GALNT13: variants seen among roughly 807,000 people sequenced by gnomAD.
GALNT13 encodes the protein polypeptide N-acetylgalactosaminyltransferase 13, also known as UDP-GalNAc:polypeptide N-acetylgalactosaminyltransferase 13.
Under a neutral mutation model 64.2 loss-of-function variants are expected in GALNT13, and 28 were observed. The ratio of observed to expected loss-of-function variants is 0.44; its 90% CI spans 0.32 to 0.60. GALNT13 has a LOEUF of 0.60. Ranked by LOEUF, GALNT13 falls within the 20% of genes least tolerant of loss-of-function variation. The pLI is 0.05. For synonymous variants in GALNT13, 214 were observed against 224.6 expected (o/e 0.95, Z 0.42); for missense variants, 577 against 669.8 (o/e 0.86, Z 1.53).
intron 11 of GALNT13, among the ~76,000 whole-genome samples, chr2:154,416,041 A>G (rs368359615): frequency 1.1e-4 from 16 of 152,290 alleles, no homozygotes; most frequent in East Asian, 7.7e-4. Context: ...CACAACTTCT[A>G]TAGAAACAGG....
At chr2:153,313,110 C>A in the GALNT13 span, among the ~76,000 whole-genome samples, 1 of 152,050 alleles carries the variant, frequency 6.6e-6, no homozygotes, top group Non-Finnish European at 1.5e-5. Context: ...TTAGTGCATC[C>A]ACTGTGGAAA....
intron 9 of GALNT13, among the ~76,000 whole-genome samples, chr2:154,351,006 C>A (rs1333801525): frequency 6.6e-6 from 1 of 152,064 alleles, no homozygotes; most frequent in African/African-American, 2.4e-5. Flanking sequence ...ATGGGAAACG[C>A]AGTGGAGCTG....
At chr2:153,758,069 A>G in the GALNT13 span, among the ~76,000 whole-genome samples, 1 of 152,124 alleles carries the variant, frequency 6.6e-6, no homozygotes, top group Non-Finnish European at 1.5e-5. Flanking sequence ...CAATTGTTGT[A>G]TAGTTTTCCC....
chr2:154,287,022 G>A (rs1185545093), intron 8 of GALNT13: 2 of 618,502 alleles, frequency 3.2e-6, no homozygotes, highest in African/African-American at 3.6e-5. Flanking sequence ...CCCAAAGAGA[G>A]CTGGTCTCCA....
chr2:154,213,102 T>TCATTTGTC (rs1428969447), intron 4 of GALNT13, among the ~76,000 whole-genome samples: 2 of 152,158 alleles, frequency 1.3e-5, no homozygotes, highest in Non-Finnish European at 2.9e-5. Context: ...AGGTTTTTGT[T>TCATTTGTC]CATTTGTCCA....
chr2:154,041,354 T>A (rs1698966067), intron 3 of GALNT13, among the ~76,000 whole-genome samples: 1 of 140,660 alleles, frequency 7.1e-6, no homozygotes. Flanking sequence ...TGGCCTTTAT[T>A]TTTTAGAGAG....
At chr2:153,898,092 C>G (rs1225018445) in intron 1 of GALNT13, among the ~76,000 whole-genome samples, 1 of 151,944 alleles carries the variant, frequency 6.6e-6, no homozygotes, top group East Asian at 1.9e-4. Context: ...TTACCTTTTT[C>G]ACAGTTTTTC....
At chr2:153,256,706 A>C in the GALNT13 span, among the ~76,000 whole-genome samples, 12 of 151,990 alleles carry the variant, frequency 7.9e-5, no homozygotes, top group African/African-American at 1.4e-4. Flanking sequence ...TTGGAGTACC[A>C]GGCCGTGTGA....
At chr2:153,184,150 G>T in the GALNT13 span, among the ~76,000 whole-genome samples, 2 of 152,108 alleles carry the variant, frequency 1.3e-5, no homozygotes, top group African/African-American at 4.8e-5. Context: ...ATTTCTTTGA[G>T]CAATGTTGTG....
the GALNT13 span, among the ~76,000 whole-genome samples, chr2:153,609,447 C>G: frequency 6.6e-6 from 1 of 152,068 alleles, no homozygotes; most frequent in Non-Finnish European, 1.5e-5. Flanking sequence ...TGTTGACTTC[C>G]CTGCTCCTCT....
intron 9 of GALNT13, among the ~76,000 whole-genome samples, chr2:154,392,393 A>AAT (rs1698837072): frequency 6.6e-6 from 1 of 152,202 alleles, no homozygotes; most frequent in Non-Finnish European, 1.5e-5. Flanking sequence ...TGGTTAGGCA[A>AAT]TCATGACAGG....
the GALNT13 span, among the ~76,000 whole-genome samples, chr2:153,495,323 AAAC>A: frequency 6.0e-5 from 9 of 149,660 alleles, no homozygotes; most frequent in South Asian, 8.5e-4. Flanking sequence ...ACAAACAAAC[AAAC>A]AACAACAACA....
At chr2:154,093,592 G>A (rs1701928357) in intron 3 of GALNT13, among the ~76,000 whole-genome samples, 1 of 150,222 alleles carries the variant, frequency 6.7e-6, no homozygotes, top group South Asian at 2.1e-4. Context: ...AGATGAAATA[G>A]ATGAATAAAA....
chr2:153,246,942 G>A, the GALNT13 span, among the ~76,000 whole-genome samples: 6 of 152,148 alleles, frequency 3.9e-5, no homozygotes, highest in Non-Finnish European at 8.8e-5. Flanking sequence ...AAAATAAAGG[G>A]ATGGATGAAT....
chr2:153,549,719 A>G, the GALNT13 span, among the ~76,000 whole-genome samples: 31 of 152,316 alleles, frequency 2.0e-4, no homozygotes, highest in African/African-American at 6.7e-4. Context: ...TCCTGAGAAA[A>G]TAAATGATTC....
chr2:154,351,459 G>T (rs552434240), intron 9 of GALNT13, among the ~76,000 whole-genome samples: 8 of 151,806 alleles, frequency 5.3e-5, no homozygotes, highest in African/African-American at 1.9e-4. Context: ...CGAGACAGGC[G>T]GATCACGAGG....
At chr2:154,252,773 AGATAGAT>A (rs1262128931) in intron 7 of GALNT13, among the ~76,000 whole-genome samples, 1 of 140,694 alleles carries the variant, frequency 7.1e-6, no homozygotes, top group African/African-American at 2.6e-5. Context: ...ATAGATAGAT[AGATAGAT>A]AATAGATAAG....
chr2:154,199,001 T>C (rs536216654), intron 4 of GALNT13, among the ~76,000 whole-genome samples: 8 of 152,110 alleles, frequency 5.3e-5, no homozygotes, highest in East Asian at 1.9e-4. Flanking sequence ...CAAAAATATA[T>C]GTATATGTTC....
chr2:153,437,064 A>C, the GALNT13 span, among the ~76,000 whole-genome samples: 1 of 151,918 alleles, frequency 6.6e-6, no homozygotes, highest in Non-Finnish European at 1.5e-5. Context: ...TCTTTATTTT[A>C]GCCTTCATTT....
Sources: allele counts gnomAD v4.1 joint callset (sites outside exome capture counted in the v4.1 genomes callset), GRCh38; gene constraint gnomAD v4.1.1; transcripts MANE v1.5; gene names NCBI Gene and HGNC (gene_info 2026-07-23, HGNC 2026-07-21).